The following CD2AP variants were observed in gnomAD, a reference collection of about 807,000 sequenced individuals.
The protein encoded by CD2AP is CD2-associated protein.
CD2AP carries 46 observed loss-of-function variants against 85.1 expected under a neutral mutation model. That is an observed-to-expected ratio of 0.54 (90% CI 0.43 to 0.69). The LOEUF (loss-of-function observed/expected upper bound fraction) is 0.69, where lower values mean the gene tolerates loss of function less well. Among genes scored for constraint, CD2AP ranks in the 30% least tolerant of loss-of-function variants. The probability of loss-of-function intolerance (pLI) is 0.00; values close to 1 mark genes in which losing one functional copy is unlikely to be tolerated. For missense variants in CD2AP, 769 were observed against 729.5 expected (o/e 1.05, Z -0.62); for synonymous variants, 255 against 252.9 (o/e 1.01, Z -0.08).
Position 47,580,893 on chromosome 6 carries a change from G to A in CD2AP, c.1038G>A (p.Lys346=). The change falls in exon 10 of 18, where the codon AAG becomes AAA. Residue 346 remains lysine (K), a synonymous_variant. Transcript: ENST00000359314. ...PKPKKPPPPA[K]APAPKPELIA... ...CAAAGAAACCACCACCTCCTGCTAA[G>A]GCTCCAGGTATGTAAGAAGCATATT... 6.2e-7 allele frequency: 1 copy of A among 1,606,156 alleles called. No individual in the cohort carries two copies. The highest frequency in any genetic ancestry group is 8.5e-7 in the Non-Finnish European group (1 of 1,173,078).
chr6:47,616,232 T>C (rs973462865), intron 17 of CD2AP, among the ~76,000 whole-genome samples: 3 of 151,596 alleles, frequency 2.0e-5, no homozygotes, highest in Non-Finnish European at 2.9e-5. Flanking sequence ...GCTAGGACTG[T>C]AGGCACGTGC....
chr6:47,595,169 T>C lies in CD2AP; in HGVS notation c.1109-692T>C, dbSNP rs972536375. Among the ~76,000 whole-genome samples, 6 of 152,084 alleles carry C rather than the reference T, an allele frequency of 3.9e-5. No homozygotes were observed. In the East Asian group the frequency reaches 7.7e-4, roughly 20 times the overall value. ...TGTAATAAAAGAGTACTTGTTGCCT[T>C]TTTGGTGATAAAATTGTCTTTATTG... On this transcript the variant is annotated intron_variant, in intron 11 of 17. Coordinates refer to ENST00000359314, the MANE Select transcript of CD2AP (RefSeq NM_012120.3).
intron 3 of CD2AP, among the ~76,000 whole-genome samples, chr6:47,536,641 A>G (rs1245577888): frequency 6.6e-6 from 1 of 152,198 alleles, no homozygotes; most frequent in South Asian, 2.1e-4. Flanking sequence ...TAAGCATGGT[A>G]GCTCATTTGG....
chr6:47,533,203 G>A (rs57816367), intron 2 of CD2AP, among the ~76,000 whole-genome samples: 38,262 of 152,046 alleles, frequency 0.25, 5,520 homozygotes, highest in East Asian at 0.6. Context: ...ACCACACATA[G>A]GAGTGTTGAT....
rs915152896 is a variant in CD2AP, at chr6:47,589,357, G to C, written c.1109-6504G>C. 1.3e-4 allele frequency among the ~76,000 whole-genome samples: 3 copies of C among 22,618 alleles called. No homozygotes were observed. The Admixed American group carries it at 1.5e-3, about 12-fold the overall frequency. The allele number at this position is 22,618 out of a possible 152,430, so 14.8% of individuals were successfully genotyped here. ...GATATATACATTTAAGAAGTTGTTT[G>C]ATGACCAGGAACTCTTGAATATACA... On this transcript the variant is annotated intron_variant, in intron 11 of 17. Coordinates refer to ENST00000359314, the MANE Select transcript of CD2AP (RefSeq NM_012120.3).
rs1769858379 is a variant in CD2AP at position 47,624,689 on chromosome 6, G to GTT, written c.*463_*464insTT. On this transcript the variant is annotated 3_prime_UTR_variant, in exon 18 of 18. Transcript: ENST00000359314. ...TAAGGGATATAAACTCTGTGTGTGT[G>GTT]TGTGTGTGTGTGTGTGTGTGTGTGT... 1 of 131,244 alleles carries GTT rather than the reference G, an allele frequency of 7.6e-6. No individual in the cohort carries two copies. Among genetic ancestry groups the GTT allele is most frequent in the Non-Finnish European group, 1.7e-5 (1 of 59,064 alleles). The allele number at this position is 131,244 out of a possible 1,614,324, so 8.1% of individuals were successfully genotyped here. A position where few individuals can be genotyped will look rare whatever the true frequency, so the allele number is the denominator to read the frequency against.
chr6:47,548,324 GAA>G (rs1767421207), intron 4 of CD2AP, among the ~76,000 whole-genome samples: 1 of 152,022 alleles, frequency 6.6e-6, no homozygotes, highest in Non-Finnish European at 1.5e-5. Flanking sequence ...ACCAAGAAAA[GAA>G]GAGAGAAAAT....
chr6:47,599,654 GT>G (rs1390864232), intron 13 of CD2AP, among the ~76,000 whole-genome samples: 2 of 151,952 alleles, frequency 1.3e-5, no homozygotes, highest in Non-Finnish European at 2.9e-5. Context: ...AGACTTTATG[GT>G]TTCTTACTGA....
At chr6:47,482,912 C>A (rs1042985404) in intron 1 of CD2AP, among the ~76,000 whole-genome samples, 2 of 152,112 alleles carry the variant, frequency 1.3e-5, no homozygotes, top group African/African-American at 4.8e-5. Context: ...GTGTCAAGGG[C>A]TTGCAGATAG....
chr6:47,494,387 T>A (rs1158361687), intron 1 of CD2AP, among the ~76,000 whole-genome samples: 3 of 152,128 alleles, frequency 2.0e-5, no homozygotes, highest in Non-Finnish European at 4.4e-5. Context: ...ATTGATATGG[T>A]GGTAGCATGT....
chr6:47,531,006 C>T (rs1328474184), intron 2 of CD2AP, among the ~76,000 whole-genome samples: 1 of 151,900 alleles, frequency 6.6e-6, no homozygotes, highest in Non-Finnish European at 1.5e-5. Flanking sequence ...TACCAGCACC[C>T]TGGGAGGCCA....
chr6:47,599,985 T>A (rs962288962), intron 13 of CD2AP, among the ~76,000 whole-genome samples: 4 of 150,348 alleles, frequency 2.7e-5, no homozygotes, highest in South Asian at 4.2e-4. Context: ...GTTTTTTTTT[T>A]AATACCTATT....
intron 2 of CD2AP, among the ~76,000 whole-genome samples, chr6:47,525,534 A>G (rs1425261234): frequency 1.3e-5 from 2 of 152,294 alleles, no homozygotes; most frequent in African/African-American, 4.8e-5. Context: ...TTTTCAAATC[A>G]TGATAATGGC....
chr6:47,526,185 A>G (rs1370795903), intron 2 of CD2AP, among the ~76,000 whole-genome samples: 1 of 152,206 alleles, frequency 6.6e-6, no homozygotes, highest in Non-Finnish European at 1.5e-5. Context: ...ATTGATAGCC[A>G]AAGAGTAGTC....
chr6:47,589,561 C>T (rs1456430049), intron 11 of CD2AP, among the ~76,000 whole-genome samples: 96 of 47,378 alleles, frequency 2.0e-3, no homozygotes, highest in African/African-American at 6.0e-3. Context: ...TACACACACA[C>T]ACACATATAT....
At chr6:47,540,230 A>T (rs896176679) in intron 3 of CD2AP, among the ~76,000 whole-genome samples, 4 of 149,722 alleles carry the variant, frequency 2.7e-5, no homozygotes, top group South Asian at 2.1e-4. Context: ...TGTTTTTTTT[A>T]AAATGGACTT....
chr6:47,542,615 C>T (rs967004529), intron 3 of CD2AP, among the ~76,000 whole-genome samples: 1 of 152,092 alleles, frequency 6.6e-6, no homozygotes, highest in African/African-American at 2.4e-5. Flanking sequence ...GGGCCCTCAC[C>T]AGATATAAAA....
intron 5 of CD2AP, among the ~76,000 whole-genome samples, chr6:47,561,186 A>G (rs113079337): frequency 0.026 from 3,894 of 152,278 alleles, 81 homozygotes; most frequent in Non-Finnish European, 0.041. Flanking sequence ...AAAATATACA[A>G]TCTGATGAGT....
intron 6 of CD2AP, among the ~76,000 whole-genome samples, chr6:47,575,747 G>T (rs889442492): frequency 5.3e-5 from 8 of 152,020 alleles, no homozygotes; most frequent in Non-Finnish European, 8.8e-5. Flanking sequence ...GTCCTTTACA[G>T]ATTACAATGG....
Sources: gnomAD v4.1 joint callset for allele counts (sites outside exome capture counted in the v4.1 genomes callset) on GRCh38, gnomAD v4.1.1 for gene constraint, MANE v1.5 for transcripts, NCBI Gene and HGNC (gene_info 2026-07-23, HGNC 2026-07-21) for gene names.